The following SLC39A10 variants were observed in gnomAD, a reference collection of about 807,000 sequenced individuals.
The protein encoded by SLC39A10 is zinc transporter ZIP10.
A neutral mutation model predicts 65.1 loss-of-function variants in SLC39A10; 13 were observed. The observed-to-expected ratio is 0.20, with a 90% CI of 0.13 to 0.32. SLC39A10 has a LOEUF of 0.32. Among genes scored for constraint, SLC39A10 ranks in the 10% least tolerant of loss-of-function variants. The probability of loss-of-function intolerance (pLI) is 1.00; values close to 1 mark genes in which losing one functional copy is unlikely to be tolerated. For synonymous variants in SLC39A10, 321 were observed against 342.2 expected (o/e 0.94, Z 0.68); for missense variants, 831 against 1,018.4 (o/e 0.82, Z 2.50).
chr2:195,615,322 C>G (rs1203329932), intron 2 of SLC39A10, among the ~76,000 whole-genome samples: 1 of 152,124 alleles, frequency 6.6e-6, no homozygotes, highest in African/African-American at 2.4e-5. Flanking sequence ...CTGAAATCAC[C>G]TGGGGCAGTT....
intron 2 of SLC39A10, among the ~76,000 whole-genome samples, chr2:195,647,699 AC>A (rs1688952750): frequency 6.7e-6 from 1 of 150,040 alleles, no homozygotes; most frequent in Non-Finnish European, 1.5e-5. Context: ...ACCATCCACC[AC>A]CACCACCACC....
chr2:195,618,882 C>T (rs1688285715), intron 2 of SLC39A10, among the ~76,000 whole-genome samples: 1 of 152,024 alleles, frequency 6.6e-6, no homozygotes. Context: ...CACTTGAGGT[C>T]AGGAGTTTGG....
chr2:195,697,796 T>G (rs1036871369), intron 3 of SLC39A10, among the ~76,000 whole-genome samples: 26 of 152,188 alleles, frequency 1.7e-4, no homozygotes, highest in African/African-American at 6.3e-4. Context: ...AAGACATACG[T>G]GCAGCCAACA....
chr2:195,643,961 ATTG>A (rs1430754927), intron 2 of SLC39A10, among the ~76,000 whole-genome samples: 2 of 152,232 alleles, frequency 1.3e-5, no homozygotes, highest in African/African-American at 4.8e-5. Context: ...AACACCACAC[ATTG>A]TTGAGTACCA....
At chr2:195,721,795 T>TC (rs1324707491) in intron 8 of SLC39A10, among the ~76,000 whole-genome samples, 5 of 152,220 alleles carry the variant, frequency 3.3e-5, no homozygotes, top group Admixed American at 2.6e-4. Context: ...TAGAAAAACC[T>TC]CCAACTTTCC....
chr2:195,641,685 CTT>C (rs757617526), intron 2 of SLC39A10, among the ~76,000 whole-genome samples: 38 of 128,052 alleles, frequency 3.0e-4, no homozygotes, highest in Admixed American at 4.3e-4. Context: ...TAGTATAGTT[CTT>C]TTTTTTTTTT....
intron 3 of SLC39A10, among the ~76,000 whole-genome samples, chr2:195,704,617 C>T (rs551543114): frequency 3.9e-5 from 6 of 152,180 alleles, no homozygotes; most frequent in South Asian, 2.1e-4. Flanking sequence ...TGTCTATAAA[C>T]GGGACAAACA....
intron 3 of SLC39A10, among the ~76,000 whole-genome samples, chr2:195,684,187 T>C (rs1426079552): frequency 6.6e-6 from 1 of 152,102 alleles, no homozygotes; most frequent in Non-Finnish European, 1.5e-5. Flanking sequence ...AAGTTGATTA[T>C]TTTTGATGAG....
intron 2 of SLC39A10, among the ~76,000 whole-genome samples, chr2:195,615,773 C>G (rs994197385): frequency 1.7e-4 from 26 of 152,220 alleles, no homozygotes; most frequent in African/African-American, 6.3e-4. Flanking sequence ...TTTCAAATAC[C>G]ACTGCATTCT....
chr2:195,655,294 A>G (rs1265960589), upstream of SLC39A10, among the ~76,000 whole-genome samples: 2 of 152,154 alleles, frequency 1.3e-5, no homozygotes, highest in South Asian at 2.1e-4. Flanking sequence ...TCAGTATTTG[A>G]TTAGTTGGTT....
intron 5 of SLC39A10, among the ~76,000 whole-genome samples, chr2:195,712,934 T>C (rs1691649891): frequency 6.6e-6 from 1 of 152,188 alleles, no homozygotes; most frequent in African/African-American, 2.4e-5. Flanking sequence ...TACAGATGAG[T>C]ATTCTTATAT....
rs1278608162 is a variant in SLC39A10 at position 195,735,577 on chromosome 2, G to C, written c.*536G>C. The stretch of plus-strand genomic sequence containing the variant: ...CTAGAGGAAAGCTCAGGCTGCATTA[G>C]AGTATGAATTTAGCATTGGGAAAAG... On this transcript the variant is annotated 3_prime_UTR_variant, in exon 10 of 10. Transcript: ENST00000359634. 6.6e-6 allele frequency: 1 copy of C among 152,588 alleles called. No individual in the cohort carries two copies. The highest frequency in any genetic ancestry group is 2.4e-5 in the African/African-American group (1 of 41,426). The allele number at this position is 152,588 out of a possible 1,614,324, so 9.5% of individuals were successfully genotyped here.
intron 3 of SLC39A10, among the ~76,000 whole-genome samples, chr2:195,700,900 G>A (rs1691150951): frequency 6.6e-6 from 1 of 151,938 alleles, no homozygotes; most frequent in Non-Finnish European, 1.5e-5. Flanking sequence ...GGTCTCTTGA[G>A]TTCCTCTTAT....
intron 2 of SLC39A10, among the ~76,000 whole-genome samples, chr2:195,637,101 A>G (rs1688710849): frequency 6.6e-6 from 1 of 152,168 alleles, no homozygotes; most frequent in South Asian, 2.1e-4. Flanking sequence ...TGCCACAGTT[A>G]AGGTGAATGA....
chr2:195,649,941 A>C (rs552161038), intron 2 of SLC39A10, among the ~76,000 whole-genome samples: 1 of 152,274 alleles, frequency 6.6e-6, no homozygotes, highest in South Asian at 2.1e-4. Flanking sequence ...AAGAATCTAG[A>C]CAACCGTGTT....
chr2:195,659,801 C>A (rs1240664943), intron 1 of SLC39A10, among the ~76,000 whole-genome samples: 2 of 152,102 alleles, frequency 1.3e-5, no homozygotes, highest in African/African-American at 4.8e-5. Context: ...CTTTTTTCTA[C>A]ATACAGATGT....
intron 2 of SLC39A10, among the ~76,000 whole-genome samples, chr2:195,628,282 A>T (rs1236464090): frequency 6.6e-6 from 1 of 152,234 alleles, no homozygotes; most frequent in Non-Finnish European, 1.5e-5. Context: ...GTGAAACAGT[A>T]AACTAAAATG....
chr2:195,682,083 A>T (rs1029456512), intron 2 of SLC39A10, among the ~76,000 whole-genome samples: 8 of 152,206 alleles, frequency 5.3e-5, no homozygotes, highest in Non-Finnish European at 1.0e-4. Flanking sequence ...ACTCTTGGGT[A>T]CTTACACATT....
At chr2:195,636,605 T>C (rs72491057) in intron 2 of SLC39A10, among the ~76,000 whole-genome samples, 5,621 of 151,826 alleles carry the variant, frequency 0.037, 241 homozygotes, top group African/African-American at 0.097. Flanking sequence ...CAAAAAAAAT[T>C]AGTTGGGCGT....
Sources: gnomAD v4.1 joint callset for allele counts (sites outside exome capture counted in the v4.1 genomes callset) on GRCh38, gnomAD v4.1.1 for gene constraint, MANE v1.5 for transcripts, NCBI Gene and HGNC (gene_info 2026-07-23, HGNC 2026-07-21) for gene names.